Variants in ZBTB46 observed in about 807,000 individuals in gnomAD.
ZBTB46 encodes the protein zinc finger and BTB domain-containing protein 46.
In ZBTB46, 8 loss-of-function variants were observed where a neutral mutation model predicts 44.1. The observed-to-expected ratio is 0.18, with a 90% CI of 0.11 to 0.33. The LOEUF (loss-of-function observed/expected upper bound fraction) is 0.33, where lower values mean the gene tolerates loss of function less well. ZBTB46 is among the 10% of genes least tolerant of loss of function. The probability of loss-of-function intolerance (pLI) is 1.00; values close to 1 mark genes in which losing one functional copy is unlikely to be tolerated. For missense variants in ZBTB46, 651 were observed against 847.7 expected (o/e 0.77, Z 2.88); for synonymous variants, 409 against 382.3 (o/e 1.07, Z -0.81).
intron 2 of ZBTB46, among the ~76,000 whole-genome samples, chr20:63,788,978 G>A (rs1037327626): frequency 6.6e-6 from 1 of 151,100 alleles, no homozygotes; most frequent in Non-Finnish European, 1.5e-5. Flanking sequence ...TGGGATTACA[G>A]GCTACTTTTC....
chr20:63,830,259 G>A (rs1330625587), intron 1 of ZBTB46, among the ~76,000 whole-genome samples: 1 of 152,160 alleles, frequency 6.6e-6, no homozygotes, highest in Non-Finnish European at 1.5e-5. Context: ...TCCCTCTGGC[G>A]CAGAGAATTC....
intron 1 of ZBTB46, among the ~76,000 whole-genome samples, chr20:63,822,151 A>C (rs2092795572): frequency 6.6e-6 from 1 of 152,222 alleles, no homozygotes; most frequent in African/African-American, 2.4e-5. Flanking sequence ...ATCAAGCGGA[A>C]CCGATACACT....
intron 3 of ZBTB46, chr20:63,768,244 G>C (rs1016561935): frequency 1.6e-6 from 1 of 622,940 alleles, no homozygotes; most frequent in African/African-American, 2.0e-5. Context: ...TGTGGGAATA[G>C]CAATTAATTT....
intron 1 of ZBTB46, among the ~76,000 whole-genome samples, chr20:63,796,058 G>A (rs188779158): frequency 1.4e-3 from 213 of 152,336 alleles, no homozygotes; most frequent in African/African-American, 5.0e-3. Flanking sequence ...TGCCTGTGTC[G>A]CAGGACGCAG....
At chr20:63,773,230 CTTT>C (rs745777313) in intron 3 of ZBTB46, among the ~76,000 whole-genome samples, 5 of 133,974 alleles carry the variant, frequency 3.7e-5, no homozygotes, top group African/African-American at 8.6e-5. Context: ...AGTCCAATGG[CTTT>C]TTTTTTTTTT....
upstream of ZBTB46, among the ~76,000 whole-genome samples, chr20:63,832,703 C>T (rs1384073810): frequency 6.6e-6 from 1 of 152,042 alleles, no homozygotes; most frequent in Non-Finnish European, 1.5e-5. The surrounding 1 kb of genome is among the most constrained non-coding windows in gnomAD (Gnocchi z 5.0). Context: ...GCCCAGGAAG[C>T]CCCGTCGCCG....
At chr20:63,833,577 CA>C (rs1171181816), upstream of ZBTB46, among the ~76,000 whole-genome samples, 9 of 152,136 alleles carry the variant, frequency 5.9e-5, no homozygotes, top group South Asian at 2.1e-4. Context: ...GGCGACAGAG[CA>C]AGACTCTGTC....
At chr20:63,773,733 G>A (rs565022362) in intron 3 of ZBTB46, among the ~76,000 whole-genome samples, 17 of 152,112 alleles carry the variant, frequency 1.1e-4, no homozygotes, top group African/African-American at 1.7e-4. Context: ...ATCCCCCTCC[G>A]ACCGCACCCA....
intron 3 of ZBTB46, among the ~76,000 whole-genome samples, chr20:63,766,664 C>A (rs894286357): frequency 5.3e-5 from 8 of 152,230 alleles, no homozygotes; most frequent in Non-Finnish European, 7.3e-5. Context: ...CTCACAGATG[C>A]CAGCAGAGCG....
chr20:63,747,535 G>GGT, intron 4 of ZBTB46, among the ~76,000 whole-genome samples: 1 of 113,294 alleles, frequency 8.8e-6, no homozygotes, highest in East Asian at 3.1e-4. Flanking sequence ...GGCCTGGTGG[G>GGT]TGGGGGGGGT....
intron 4 of ZBTB46, among the ~76,000 whole-genome samples, chr20:63,750,831 A>C (rs1280952836): frequency 6.6e-6 from 1 of 151,900 alleles, no homozygotes; most frequent in African/African-American, 2.4e-5. Flanking sequence ...TGAGCCCGGG[A>C]GGTCAAAGTT....
chr20:63,809,614 AT>A (rs1241914619), intron 1 of ZBTB46, among the ~76,000 whole-genome samples: 2 of 152,178 alleles, frequency 1.3e-5, no homozygotes, highest in Non-Finnish European at 2.9e-5. Context: ...CAATGATACA[AT>A]TTTAAAGATT....
At position 63,791,715 on chromosome 20, in the gene ZBTB46, C is replaced by T. The variant is rs537735526; in HGVS notation, c.-33-925G>A. Among the ~76,000 whole-genome samples, 36 of 152,272 alleles carry T rather than the reference C, an allele frequency of 2.4e-4. 1 individual carries two copies. The South Asian group carries it at 4.6e-3, about 19-fold the overall frequency. On this transcript the variant is annotated intron_variant, in intron 1 of 4. Transcript: ENST00000245663. The stretch of plus-strand genomic sequence containing the variant: ...GCCCTGCGGCTGCCAGCGCCCTGGA[C>T]GTCTGAGACACGACTGGTCTCTGGG...
chr20:63,753,794 T>C (rs1364533352), intron 3 of ZBTB46, among the ~76,000 whole-genome samples: 1 of 152,258 alleles, frequency 6.6e-6, no homozygotes, highest in Non-Finnish European at 1.5e-5. Context: ...CACATCATAA[T>C]TAATTAAACA....
upstream of ZBTB46, chr20:63,831,390 C>A (rs1402284244): frequency 1.4e-5 from 2 of 142,536 alleles, no homozygotes; most frequent in East Asian, 2.1e-4. Context: ...GCGCCCCGGC[C>A]GCGGCCACCG....
At chr20:63,750,828 G>C (rs144898052) in intron 4 of ZBTB46, among the ~76,000 whole-genome samples, 3 of 151,952 alleles carry the variant, frequency 2.0e-5, no homozygotes, top group Non-Finnish European at 4.4e-5. Context: ...GCTTGAGCCC[G>C]GGAGGTCAAA....
At chr20:63,775,592 G>A (rs2092418315) in intron 3 of ZBTB46, 86 bp downstream of exon 3, 4 of 1,484,314 alleles carry the variant, frequency 2.7e-6, no homozygotes, top group Non-Finnish European at 3.6e-6. Context: ...CAGACCCTCA[G>A]CCTCATCTCA....
chr20:63,769,100 C>A, intron 3 of ZBTB46: 2 of 706,526 alleles, frequency 2.8e-6, no homozygotes, highest in Middle Eastern at 1.5e-3. Flanking sequence ...GAGAGGAGGG[C>A]ACATGGAGAG....
At chr20:63,754,579 G>T (rs2093118) in intron 3 of ZBTB46, among the ~76,000 whole-genome samples, 45,935 of 151,592 alleles carry the variant, frequency 0.3, 7,527 homozygotes, top group Admixed American at 0.38. Flanking sequence ...TTATAGGTGT[G>T]AGCCACTGTG....
Sources: allele counts gnomAD v4.1 joint callset (sites outside exome capture counted in the v4.1 genomes callset), GRCh38; gene constraint gnomAD v4.1.1; non-coding constraint Gnocchi (gnomAD v3.1); transcripts MANE v1.5; gene names NCBI Gene and HGNC (gene_info 2026-07-23, HGNC 2026-07-21).